Variants in ATRNL1 observed in about 807,000 individuals in gnomAD.
ATRNL1 encodes attractin like 1.
Under a neutral mutation model 182.7 loss-of-function variants are expected in ATRNL1, and 95 were observed. The observed-to-expected ratio is 0.52, with a 90% CI of 0.44 to 0.62. The LOEUF (loss-of-function observed/expected upper bound fraction) is 0.62, where lower values mean the gene tolerates loss of function less well. ATRNL1 is among the 20% of genes least tolerant of loss of function. ATRNL1 has a pLI of 0.00. For synonymous variants in ATRNL1, 576 were observed against 568.3 expected, an observed-to-expected ratio of 1.01 and a Z score of -0.19; for missense variants, 1,471 against 1,679.5, an observed-to-expected ratio of 0.88 and a Z score of 2.17.
chr10:115,343,221 C>T (rs1259779085), intron 19 of ATRNL1, among the ~76,000 whole-genome samples: 1 of 152,112 alleles, frequency 6.6e-6, no homozygotes, highest in Admixed American at 6.5e-5. Context: ...CTACCCTTAT[C>T]TGTTTCACTT....
chr10:115,697,603 G>A (rs1946604675), intron 26 of ATRNL1, among the ~76,000 whole-genome samples: 1 of 152,122 alleles, frequency 6.6e-6, no homozygotes, highest in African/African-American at 2.4e-5. Flanking sequence ...TAGGATTACA[G>A]GCATGAGCCA....
chr10:115,679,004 A>G (rs758231680), intron 26 of ATRNL1, among the ~76,000 whole-genome samples: 30 of 152,102 alleles, frequency 2.0e-4, no homozygotes, highest in South Asian at 6.2e-4. Context: ...AATAGCAGGC[A>G]CCATTAGGCA....
Position 115,301,928 on chromosome 10 carries a change from C to A in ATRNL1, c.2703C>A (p.Ser901Arg), listed in dbSNP as rs782534668. The A allele has an allele frequency of 1.9e-6, 3 of 1,613,986 alleles. No homozygotes were observed. Among genetic ancestry groups the A allele is most frequent in the East Asian group, 2.2e-5 (1 of 44,876 alleles). The change falls in exon 17 of 29, where the codon AGC (serine) becomes AGA (arginine). Residue 901 changes from serine (S) to arginine (R), a missense_variant. Ser to Arg is a moderately radical substitution (Grantham distance 110). Around this residue, in one of 3 missense-constraint regions of ATRNL1, gnomAD observed 1,031 missense variants for 1,156.0 expected, o/e 0.89. Transcript: ENST00000355044. ...SLRTSCSNCT[S>R]NGMECMWCSS... ...GGACATCATGTTCCAACTGTACAAG[C>A]AATGGCATGGAGTGTATGTGGTGCA...
rs1392730490 is a variant in ATRNL1 at position 115,365,357 on chromosome 10, G to A, written c.3176-29302G>A. Among the ~76,000 whole-genome samples, 14 of 150,364 alleles carry A rather than the reference G, an allele frequency of 9.3e-5. 1 individual carries two copies. In the East Asian group the frequency reaches 1.2e-3, roughly 13 times the overall value. ...TGGTAGTTTGTATTTCTGTGGGATC[G>A]GTGGTGATATCCCCTTTATCATTTT... On this transcript the variant is annotated intron_variant, in intron 19 of 28. Coordinates refer to ENST00000355044, the MANE Select transcript of ATRNL1 (RefSeq NM_207303.4).
chr10:115,377,523 A>G (rs1857743690), intron 19 of ATRNL1, among the ~76,000 whole-genome samples: 1 of 152,100 alleles, frequency 6.6e-6, no homozygotes, highest in Non-Finnish European at 1.5e-5. Flanking sequence ...TAGCATCATT[A>G]TTTTGAATTC....
intron 27 of ATRNL1, among the ~76,000 whole-genome samples, chr10:115,819,436 T>C (rs1400914424): frequency 6.6e-6 from 1 of 152,100 alleles, no homozygotes; most frequent in East Asian, 1.9e-4. Context: ...TTTTAAGAAA[T>C]TTAGGAATTC....
intron 5 of ATRNL1, among the ~76,000 whole-genome samples, chr10:115,132,435 G>T (rs562690032): frequency 0.012 from 1,759 of 152,088 alleles, 33 homozygotes; most frequent in African/African-American, 0.039. Flanking sequence ...TAATCCTTTG[G>T]GTATATACCC....
At chr10:115,235,952 A>T (rs1850160083) in intron 9 of ATRNL1, among the ~76,000 whole-genome samples, 1 of 152,024 alleles carries the variant, frequency 6.6e-6, no homozygotes, top group Non-Finnish European at 1.5e-5. Context: ...TAGTCTCCCC[A>T]GTCTATATAT....
In ATRNL1 at chr10:115,503,751, C is replaced by A. The variant is rs1849965117; in HGVS notation, c.3655-15512C>A. 2.0e-5 allele frequency among the ~76,000 whole-genome samples: 3 copies of A among 151,878 alleles called. No homozygotes were observed. The South Asian group carries it at 6.2e-4, about 31-fold the overall frequency. ...ACTTACCCAGACTGTTCATGACATG[C>A]TTGGACTTTCTGGTTTGTCCTGAAC... On this transcript the variant is annotated intron_variant, in intron 24 of 28. Transcript: ENST00000355044.
chr10:115,225,358 A>C (rs1554898413), intron 9 of ATRNL1, among the ~76,000 whole-genome samples: 1 of 151,538 alleles, frequency 6.6e-6, no homozygotes, highest in Non-Finnish European at 1.5e-5. Flanking sequence ...TACTGCAAGC[A>C]TTATGGTGAA....
intron 5 of ATRNL1, among the ~76,000 whole-genome samples, chr10:115,159,587 T>C (rs1217014190): frequency 6.6e-6 from 1 of 151,684 alleles, no homozygotes; most frequent in African/African-American, 2.4e-5. Context: ...AATTTTTAAA[T>C]GCTTTTACTT....
intron 27 of ATRNL1, among the ~76,000 whole-genome samples, chr10:115,810,670 C>A (rs1950026730): frequency 6.6e-6 from 1 of 151,748 alleles, no homozygotes; most frequent in African/African-American, 2.4e-5. Context: ...TTAATAAATT[C>A]TATATCTTTA....
chr10:115,650,994 A>G (rs888044351), intron 26 of ATRNL1, among the ~76,000 whole-genome samples: 1 of 152,148 alleles, frequency 6.6e-6, no homozygotes, highest in African/African-American at 2.4e-5. Flanking sequence ...GTGCTATCTA[A>G]GAATATCTAC....
intron 28 of ATRNL1, among the ~76,000 whole-genome samples, chr10:115,931,399 T>G (rs1297008581): frequency 6.6e-6 from 1 of 152,190 alleles, no homozygotes; most frequent in Non-Finnish European, 1.5e-5. Context: ...TTTCTTTATT[T>G]AAAAATAAAA....
intron 8 of ATRNL1, among the ~76,000 whole-genome samples, chr10:115,191,137 C>T (rs1418053449): frequency 6.6e-6 from 1 of 152,080 alleles, no homozygotes; most frequent in African/African-American, 2.4e-5. Flanking sequence ...ACTTAGGTTG[C>T]TTTCGTAGCT....
intron 26 of ATRNL1, among the ~76,000 whole-genome samples, chr10:115,678,855 A>G (rs1282582148): frequency 2.6e-5 from 4 of 152,124 alleles, no homozygotes; most frequent in South Asian, 4.1e-4. Context: ...TAGTCTGCAC[A>G]TTATGTTCTG....
At chr10:115,512,279 C>T (rs1361416785) in intron 24 of ATRNL1, among the ~76,000 whole-genome samples, 1 of 151,838 alleles carries the variant, frequency 6.6e-6, no homozygotes, top group Non-Finnish European at 1.5e-5. Context: ...GTTATTGTCT[C>T]ACTGTTTTTT....
chr10:115,100,523 C>T (rs1843732510), intron 1 of ATRNL1, among the ~76,000 whole-genome samples: 1 of 152,098 alleles, frequency 6.6e-6, no homozygotes, highest in African/African-American at 2.4e-5. Flanking sequence ...TATTCTTTCT[C>T]TGTTAAAGTA....
intron 26 of ATRNL1, among the ~76,000 whole-genome samples, chr10:115,659,803 A>T (rs1555037227): frequency 6.6e-6 from 1 of 152,120 alleles, no homozygotes; most frequent in African/African-American, 2.4e-5. Flanking sequence ...GTGAGAAGGG[A>T]ATGTTCCAGC....
Sources: gnomAD v4.1 joint callset for allele counts (sites outside exome capture counted in the v4.1 genomes callset) on GRCh38, gnomAD v4.1.1 for gene constraint, gnomAD v4.1.1 regional missense constraint, MANE v1.5 for transcripts, NCBI Gene and HGNC (gene_info 2026-07-23, HGNC 2026-07-21) for gene names.